Variants in WWC2 observed in about 807,000 individuals in gnomAD.
WWC2 encodes protein WWC2.
A neutral mutation model predicts 138.5 loss-of-function variants in WWC2; 101 were observed. The observed-to-expected ratio is 0.73, with a 90% confidence interval of 0.62 to 0.86. The LOEUF is 0.86. Among genes scored for constraint, WWC2 ranks in the 40% least tolerant of loss-of-function variants. The probability of loss-of-function intolerance (pLI) is 0.00; values close to 1 mark genes in which losing one functional copy is unlikely to be tolerated. For missense variants in WWC2, 1,420 were observed against 1,419.4 expected (o/e 1.00, Z -0.01); for synonymous variants, 558 against 538.4 (o/e 1.04, Z -0.50).
At chr4:183,177,189 C>G (rs1196925185) in intron 1 of WWC2, among the ~76,000 whole-genome samples, 3 of 152,190 alleles carry the variant, frequency 2.0e-5, no homozygotes, top group Non-Finnish European at 4.4e-5. Context: ...TAGACTCATG[C>G]ATTAGTCAGC....
At chr4:183,199,761 A>G (rs557645914) in intron 2 of WWC2, among the ~76,000 whole-genome samples, 29 of 152,252 alleles carry the variant, frequency 1.9e-4, no homozygotes, top group Admixed American at 1.8e-3. Flanking sequence ...TGTGTTCTCT[A>G]CCTATAAAGT....
intron 1 of WWC2, among the ~76,000 whole-genome samples, chr4:183,162,763 C>G (rs978498908): frequency 3.3e-5 from 5 of 152,200 alleles, no homozygotes; most frequent in African/African-American, 7.2e-5. Flanking sequence ...TCCTCCCCTT[C>G]CAGCATCATC....
chr4:183,248,812 C>T lies in WWC2; in HGVS notation c.831C>T (p.Leu277=), dbSNP rs763847726. 6.2e-7 allele frequency: 1 copy of T among 1,603,408 alleles called. No homozygotes were observed. The highest frequency in any genetic ancestry group is 8.5e-7 in the Non-Finnish European group (1 of 1,174,342). ...GTCCTGTGAACTCTCATTTATGTCT[C>T]TCCAGACAGACCCTTGATGCTGGGT... The part of the protein sequence containing the change: ...RCSPVNSHLC[L]SRQTLDAGSQ... The change falls in exon 7 of 23, where the codon CTC becomes CTT. Residue 277 remains leucine, a synonymous_variant. Coordinates refer to ENST00000403733, the MANE Select transcript of WWC2 (RefSeq NM_024949.6).
chr4:183,107,770 T>A (rs1225429528), intron 1 of WWC2, among the ~76,000 whole-genome samples: 2 of 152,062 alleles, frequency 1.3e-5, no homozygotes, highest in African/African-American at 4.8e-5. Context: ...AATTAACAGT[T>A]TTTATTGTAT....
chr4:183,229,602 A>G (rs913147220), intron 4 of WWC2, among the ~76,000 whole-genome samples: 3 of 152,192 alleles, frequency 2.0e-5, no homozygotes, highest in Non-Finnish European at 4.4e-5. Context: ...TCATTAGATG[A>G]GAAGGGCATG....
In WWC2 at chr4:183,208,248, A is replaced by G. The variant is rs536471136; in HGVS notation, c.445+92A>G. On this transcript the variant is annotated intron_variant, in intron 3 of 22. Coordinates refer to ENST00000403733, the MANE Select transcript of WWC2 (RefSeq NM_024949.6). ...TACATTTCTATGGAGTTTAATTTTG[A>G]GTCCTTTTCCCTCCTAAGCAGGAAG... 12 of 1,358,396 alleles carry G rather than the reference A, an allele frequency of 8.8e-6. No individual in the cohort carries two copies. In the African/African-American group the frequency reaches 1.3e-4, roughly 15 times the overall value. The allele number at this position is 1,358,396 out of a possible 1,614,324, so 84.1% of individuals were successfully genotyped here. A position where few individuals can be genotyped will look rare whatever the true frequency, so the allele number is the denominator to read the frequency against.
intron 21 of WWC2, among the ~76,000 whole-genome samples, chr4:183,292,256 A>G (rs1268240485): frequency 2.6e-5 from 4 of 151,868 alleles, no homozygotes; most frequent in African/African-American, 9.7e-5. Flanking sequence ...ACACACAGAC[A>G]CACACACACA....
chr4:183,119,680 C>T (rs1579956478), intron 1 of WWC2, among the ~76,000 whole-genome samples: 1 of 152,024 alleles, frequency 6.6e-6, no homozygotes, highest in African/African-American at 2.4e-5. Flanking sequence ...GTTAAGATGT[C>T]AGTTTTAAAA....
intron 1 of WWC2, among the ~76,000 whole-genome samples, chr4:183,121,548 GTATA>G (rs1005261673): frequency 3.4e-4 from 52 of 152,018 alleles, no homozygotes; most frequent in African/African-American, 1.2e-3. Flanking sequence ...TGGGTCAGAG[GTATA>G]TACATTTATA....
rs188527199 is a variant in WWC2 at position 183,193,399 on chromosome 4, A to G, written c.132-200A>G. Among the ~76,000 whole-genome samples, 382 of 152,210 alleles carry G rather than the reference A, an allele frequency of 2.5e-3. No homozygotes were observed. The highest frequency in any genetic ancestry group is 4.6e-3 in the Non-Finnish European group (316 of 68,004). On this transcript the variant is annotated intron_variant, in intron 1 of 22. Transcript: ENST00000403733. ...TATTTAGTGTATAGATTTATCTCCAAATATTAAGCAGTGAACTTTCAAAAG... is the reference window on the plus strand; with the variant it reads ...TATTTAGTGTATAGATTTATCTCCAGATATTAAGCAGTGAACTTTCAAAAG...
chr4:183,296,234 A>G (rs760075549), intron 21 of WWC2, among the ~76,000 whole-genome samples: 2 of 152,236 alleles, frequency 1.3e-5, no homozygotes, highest in Non-Finnish European at 2.9e-5. Context: ...CAGTAGAGGT[A>G]ACATTAATGC....
chr4:183,150,750 A>G (rs371360982), intron 1 of WWC2, among the ~76,000 whole-genome samples: 68 of 152,114 alleles, frequency 4.5e-4, no homozygotes, highest in Admixed American at 6.5e-4. Context: ...TCATTGTTCA[A>G]TTCCCACCTA....
chr4:183,106,279 C>A (rs957848744), intron 1 of WWC2, among the ~76,000 whole-genome samples: 2 of 151,976 alleles, frequency 1.3e-5, no homozygotes, highest in Admixed American at 1.3e-4. Context: ...CCACCACGCC[C>A]GGCTGAGGAA....
intron 1 of WWC2, among the ~76,000 whole-genome samples, chr4:183,158,488 T>A (rs952465648): frequency 6.6e-6 from 1 of 151,884 alleles, no homozygotes; most frequent in East Asian, 2.0e-4. Flanking sequence ...TGTGGGTCTG[T>A]GTCCTGATCT....
Position 183,137,005 on chromosome 4 carries a change from G to T in WWC2, c.131+37383G>T, listed in dbSNP as rs555922200. 1.3e-4 allele frequency among the ~76,000 whole-genome samples: 20 copies of T among 152,264 alleles called. No homozygotes were observed. In the South Asian group the frequency reaches 2.7e-3, roughly 21 times the overall value. ...TTGTAACACAATGGTAAGTATTTGT[G>T]TATCAACATATCTAAACATAGAAAA... On this transcript the variant is annotated intron_variant, in intron 1 of 22. Coordinates refer to ENST00000403733, the MANE Select transcript of WWC2 (RefSeq NM_024949.6).
chr4:183,256,897 C>A (rs78260365), intron 9 of WWC2, among the ~76,000 whole-genome samples: 1 of 93,002 alleles, frequency 1.1e-5, no homozygotes, highest in Admixed American at 9.1e-5. Flanking sequence ...CCCCCCCCCC[C>A]CCCCCCGGCT....
At chr4:183,208,305 C>T (rs898776442) in intron 3 of WWC2, 149 bp downstream of exon 3, 2 of 843,508 alleles carry the variant, frequency 2.4e-6, no homozygotes, top group Non-Finnish European at 3.6e-6. Context: ...GGTGAGGGCA[C>T]ACCCCAGATT....
intron 21 of WWC2, among the ~76,000 whole-genome samples, chr4:183,292,344 TG>T (rs774948496): frequency 2.1e-5 from 3 of 140,680 alleles, no homozygotes; most frequent in Admixed American, 6.9e-5. Flanking sequence ...CCCATCTCCA[TG>T]GAAAAAAAAA....
At chr4:183,163,824 T>C (rs1037407746) in intron 1 of WWC2, among the ~76,000 whole-genome samples, 1 of 152,180 alleles carries the variant, frequency 6.6e-6, no homozygotes, top group Non-Finnish European at 1.5e-5. Context: ...GTGATCTAGC[T>C]ATTGGGTGCC....
Sources: gnomAD v4.1 joint callset for allele counts (sites outside exome capture counted in the v4.1 genomes callset) on GRCh38, gnomAD v4.1.1 for gene constraint, MANE v1.5 for transcripts, NCBI Gene and HGNC (gene_info 2026-07-23, HGNC 2026-07-21) for gene names.